Variants in KIF20B observed in about 807,000 individuals in gnomAD.
KIF20B encodes kinesin family member 20B, also known as kinesin-like protein KIF20B.
KIF20B carries 188 observed loss-of-function variants against 232.5 expected under a neutral mutation model. That is an observed-to-expected ratio of 0.81 (90% CI 0.72 to 0.91). The LOEUF (loss-of-function observed/expected upper bound fraction) is 0.91. Ranked by LOEUF, KIF20B falls within the 40% of genes least tolerant of loss-of-function variation. KIF20B has a pLI of 0.00. For missense variants in KIF20B, 2,154 were observed against 2,055.9 expected (o/e 1.05, Z -0.92); for synonymous variants, 712 against 683.0 (o/e 1.04, Z -0.66).
At chr10:89,706,614 C>T (rs1450690900) in intron 2 of KIF20B, among the ~76,000 whole-genome samples, 1 of 144,192 alleles carries the variant, frequency 6.9e-6, no homozygotes, top group Non-Finnish European at 1.5e-5. Context: ...TTTTCTTTTT[C>T]TTTTTAGCTT....
chr10:89,744,155 A>G (rs1841863136), intron 22 of KIF20B, among the ~76,000 whole-genome samples: 2 of 152,168 alleles, frequency 1.3e-5, no homozygotes. Context: ...AAAAAATAAT[A>G]ACTTCATAGT....
chr10:89,762,819 G>T lies in KIF20B; in HGVS notation c.4973G>T (p.Ser1658Ile). 1 of 1,609,142 alleles carries T rather than the reference G, an allele frequency of 6.2e-7. No homozygotes were observed. The highest frequency in any genetic ancestry group is 1.1e-5 in the South Asian group (1 of 90,962). The change falls in exon 29 of 33, where the codon AGT (serine) becomes ATT (isoleucine). Residue 1658 changes from serine to isoleucine, a missense_variant. Ser to Ile is a moderately radical substitution (Grantham distance 142, BLOSUM62 -2). Transcript: ENST00000371728. ...ATTCCCAAGGCTCGGAAGAGGAAGA[G>T]TAATGAAATGGAGGAGGTAAATACT... The part of the protein sequence containing the change: ...VKIPKARKRK[S>I]NEMEEDLVKC...
At chr10:89,753,384 T>C (rs988226342) in intron 25 of KIF20B, among the ~76,000 whole-genome samples, 1 of 152,186 alleles carries the variant, frequency 6.6e-6, no homozygotes, top group African/African-American at 2.4e-5. Flanking sequence ...AAAAACTACT[T>C]TTTTTGTTAC....
In KIF20B at chr10:89,738,023, G is replaced by C. The variant is rs766439713; in HGVS notation, c.3182G>C (p.Trp1061Ser). The change falls in exon 20 of 33, where the codon TGG becomes TCG. Residue 1061 changes from tryptophan to serine, a missense_variant. Coordinates refer to ENST00000371728, the MANE Select transcript of KIF20B (RefSeq NM_001284259.2). ...NSFHSSIEAI[W>S]EECKEIVKAS... ...TTCCACTCTAGTATTGAAGCTATTT[G>C]GGAAGAATGTAAAGAGATTGTGAAG... The C allele has an allele frequency of 3.1e-6, 5 of 1,613,198 alleles. No homozygotes were observed. In the Middle Eastern group the frequency reaches 4.9e-4, roughly 160 times the overall value.
chr10:89,718,663 T>G (rs2133097370), intron 11 of KIF20B, 47 bp from the exon 12 acceptor site: 2,275 of 1,404,844 alleles, frequency 1.6e-3, no homozygotes, highest in Non-Finnish European at 2.1e-3. Context: ...CCTGATTTCA[T>G]GAGATGTTTT....
chr10:89,724,000 C>T lies in KIF20B; in HGVS notation c.1759C>T (p.Leu587=), dbSNP rs143816989. 21 of 1,561,712 alleles carry T rather than the reference C, an allele frequency of 1.3e-5. No homozygotes were observed. Among genetic ancestry groups the T allele is most frequent in the Non-Finnish European group, 1.6e-5 (19 of 1,157,898 alleles). Residue 587 remains leucine (L), a synonymous_variant, in exon 14 of 33, where the codon CTG becomes TTG. Coordinates refer to ENST00000371728, the MANE Select transcript of KIF20B (RefSeq NM_001284259.2). ...LDLIEDLKKK[L]INEKKEKLTL... ...CTTAATAGAAGACTTGAAAAAAAAA[C>T]TGATAAATGAAAAAAAGGAAAAATT... is the stretch of plus-strand genomic sequence containing the variant.
intron 29 of KIF20B, among the ~76,000 whole-genome samples, chr10:89,765,679 A>C (rs2133173486): frequency 6.6e-6 from 1 of 152,298 alleles, no homozygotes; most frequent in South Asian, 2.1e-4. Flanking sequence ...CTGGTACCAA[A>C]ACAGAGATAT....
At chr10:89,751,529 C>T in intron 24 of KIF20B, 58 bp downstream of exon 24, 1 of 1,500,484 alleles carries the variant, frequency 6.7e-7, no homozygotes, top group South Asian at 1.3e-5. Flanking sequence ...AAAAAAATTT[C>T]CTAGATTTCT....
At chr10:89,768,674 T>C (rs1842410324) in intron 30 of KIF20B, 64 bp from the exon 31 acceptor site, 1 of 1,413,166 alleles carries the variant, frequency 7.1e-7, no homozygotes. Context: ...AATTCAGCTG[T>C]GGCCATAACT....
intron 26 of KIF20B, among the ~76,000 whole-genome samples, chr10:89,758,076 T>TG (rs1210860985): frequency 1.3e-5 from 2 of 152,060 alleles, no homozygotes; most frequent in Non-Finnish European, 2.9e-5. Context: ...GTATTCTAGA[T>TG]GATTTGCATC....
Position 89,774,162 on chromosome 10 carries a change from T to C in KIF20B, c.*114T>C. The stretch of plus-strand genomic sequence containing the variant: ...GCATTAAATCACTCTGCATATAGAT[T>C]GCTGTTTTATACATAGTATAATTTT... On this transcript the variant is annotated 3_prime_UTR_variant, in exon 33 of 33. Transcript: ENST00000371728. 2.0e-6 allele frequency: 1 copy of C among 512,610 alleles called. No homozygotes were observed. The highest frequency in any genetic ancestry group is 3.3e-6 in the Non-Finnish European group (1 of 299,904). 31.8% of individuals were successfully genotyped at this position (512,610 alleles called of 1,614,324 possible). A position where few individuals can be genotyped will look rare whatever the true frequency, so the allele number is the denominator to read the frequency against.
rs1886997 is a variant in KIF20B, at chr10:89,738,497, A to G, written c.3656A>G (p.Asn1219Ser). ...TCTGTCAAAAACACCAAAGATTTAAATGTAAAGGAACTCAAGCTGAAAGAA... is the reference window on the plus strand; with the variant it reads ...TCTGTCAAAAACACCAAAGATTTAAGTGTAAAGGAACTCAAGCTGAAAGAA... ...QDSVKNTKDL[N>S]VKELKLKEEI... The change falls in exon 20 of 33, where the codon AAT (asparagine) becomes AGT (serine). Residue 1219 changes from asparagine (N) to serine (S), a missense_variant. Asn to Ser is a conservative substitution (Grantham distance 46). Transcript: ENST00000371728. 0.26 allele frequency: 417,614 copies of G among 1,604,082 alleles called. 58,824 individuals carry two copies. Among genetic ancestry groups the G allele is most frequent in the African/African-American group, 0.47 (35,317 of 74,460 alleles).
intron 17 of KIF20B, 82 bp downstream of exon 17, chr10:89,727,978 TAAA>T (rs571224909): frequency 3.8e-5 from 47 of 1,239,236 alleles, no homozygotes; most frequent in Admixed American, 1.2e-4. Context: ...TTGTTTATTT[TAAA>T]AAATAATTAA....
Position 89,722,140 on chromosome 10 carries a change from T to G in KIF20B, c.1723-1824T>G, listed in dbSNP as rs191050164. Among the ~76,000 whole-genome samples, 318 of 152,286 alleles carry G rather than the reference T, an allele frequency of 2.1e-3. 3 individuals are homozygous for G. In the South Asian group the frequency reaches 0.023, roughly 11 times the overall value. On this transcript the variant is annotated intron_variant, in intron 13 of 32. Transcript: ENST00000371728. The stretch of plus-strand genomic sequence containing the variant: ...TATTGCCCAGGCTGATCTTGAACCC[T>G]TGGGCTCAGGCAATCCTCCTGCCTT...
rs771722749 is a variant in KIF20B, at chr10:89,743,934, A to C, written c.4035+7A>C. ...AACCATTCAGCAACTCAAGGTAAAC[A>C]GTTTTGTTTTTAAAGATGATTTAAA... On this transcript the variant is annotated splice_region_variant and intron_variant, in intron 22 of 32. Coordinates refer to ENST00000371728, the MANE Select transcript of KIF20B (RefSeq NM_001284259.2). The C allele has an allele frequency of 1.6e-5, 25 of 1,575,906 alleles. No individual in the cohort carries two copies. The highest frequency in any genetic ancestry group is 2.1e-5 in the Non-Finnish European group (25 of 1,166,798).
At chr10:89,732,800 G>A in intron 18 of KIF20B, 103 bp from the exon 19 acceptor site, 1 of 1,052,974 alleles carries the variant, frequency 9.5e-7, no homozygotes, top group Non-Finnish European at 1.3e-6. Context: ...CAACAAATTT[G>A]AAAATAAAAT....
chr10:89,746,577 A>G (rs559007144), intron 23 of KIF20B, among the ~76,000 whole-genome samples: 1 of 152,292 alleles, frequency 6.6e-6, no homozygotes, highest in East Asian at 1.9e-4. Flanking sequence ...TTTTGTAGGC[A>G]CAGGATGGGG....
At chr10:89,714,307 C>T (rs537799004) in intron 7 of KIF20B, among the ~76,000 whole-genome samples, 6 of 151,942 alleles carry the variant, frequency 3.9e-5, no homozygotes, top group South Asian at 2.1e-4. Context: ...GATGAAACCC[C>T]GTCTCTACTA....
chr10:89,724,470 A>G (rs1469643195), intron 14 of KIF20B, among the ~76,000 whole-genome samples: 1 of 152,182 alleles, frequency 6.6e-6, no homozygotes, highest in African/African-American at 2.4e-5. Flanking sequence ...TGTAGGTTGC[A>G]GTGAGCTGAG....
Sources: gnomAD v4.1 joint callset for allele counts (sites outside exome capture counted in the v4.1 genomes callset) on GRCh38, gnomAD v4.1.1 for gene constraint, MANE v1.5 for transcripts, NCBI Gene and HGNC (gene_info 2026-07-23, HGNC 2026-07-21) for gene names.